NRXN1: variants seen among roughly 807,000 people sequenced by gnomAD.
NRXN1 encodes the protein neurexin-1.
NRXN1 carries 39 observed loss-of-function variants against 150.9 expected under a neutral mutation model. The observed-to-expected ratio is 0.26, with a 90% CI of 0.20 to 0.34. The LOEUF (loss-of-function observed/expected upper bound fraction) is 0.34, where lower values mean the gene tolerates loss of function less well. NRXN1 is among the 10% of genes least tolerant of loss of function. The pLI, the probability that NRXN1 is intolerant of heterozygous loss-of-function variation, is 1.00. For synonymous variants in NRXN1, 924 were observed against 757.0 expected, an observed-to-expected ratio of 1.22 and a Z score of -3.62; for missense variants, 1,815 against 1,949.9, an observed-to-expected ratio of 0.93 and a Z score of 1.30.
At chr2:50,275,547 T>A (rs972062602) in intron 17 of NRXN1, among the ~76,000 whole-genome samples, 1 of 152,090 alleles carries the variant, frequency 6.6e-6, no homozygotes, top group African/African-American at 2.4e-5. Context: ...CTTACTATAG[T>A]CCCAGAACAT....
intron 15 of NRXN1, among the ~76,000 whole-genome samples, chr2:50,473,715 C>T (rs28589462): frequency 0.066 from 10,087 of 152,056 alleles, 1,150 homozygotes; most frequent in African/African-American, 0.23. Context: ...GTTGTCTTCA[C>T]GAGACTTGGG....
intron 21 of NRXN1, among the ~76,000 whole-genome samples, chr2:50,030,702 T>G (rs925006675): frequency 2.0e-5 from 3 of 152,136 alleles, no homozygotes; most frequent in African/African-American, 7.2e-5. Context: ...CAACTTGAAA[T>G]ATGTTGTAAG....
chr2:50,026,566 T>TAC (rs1688311855), intron 21 of NRXN1, among the ~76,000 whole-genome samples: 1 of 152,154 alleles, frequency 6.6e-6, no homozygotes, highest in African/African-American at 2.4e-5. Flanking sequence ...TGAGTTCAGT[T>TAC]ACATCTTAAA....
intron 5 of NRXN1, among the ~76,000 whole-genome samples, chr2:50,763,003 C>A (rs1157994627): frequency 1.3e-5 from 2 of 151,906 alleles, no homozygotes; most frequent in Non-Finnish European, 2.9e-5. Flanking sequence ...AAATAGGCTA[C>A]TTACCTTTTG....
intron 17 of NRXN1, among the ~76,000 whole-genome samples, chr2:50,376,867 G>C: frequency 6.6e-6 from 1 of 152,014 alleles, no homozygotes; most frequent in Non-Finnish European, 1.5e-5. Flanking sequence ...CTTAGAAAGA[G>C]GAACCGGTTC....
chr2:50,594,948 C>G (rs935518559), intron 8 of NRXN1, among the ~76,000 whole-genome samples: 3 of 151,688 alleles, frequency 2.0e-5, no homozygotes, highest in African/African-American at 7.3e-5. Context: ...CCACGGTACC[C>G]TCTGAGCACT....
At chr2:50,839,848 G>A (rs993328794) in intron 5 of NRXN1, among the ~76,000 whole-genome samples, 4 of 152,066 alleles carry the variant, frequency 2.6e-5, no homozygotes, top group Admixed American at 1.3e-4. Flanking sequence ...AAAATAAGGC[G>A]GGGAGCAAAA....
chr2:50,685,147 T>A (rs1691028206), intron 5 of NRXN1, among the ~76,000 whole-genome samples: 1 of 152,220 alleles, frequency 6.6e-6, no homozygotes, highest in African/African-American at 2.4e-5. Flanking sequence ...ATTATTATTT[T>A]TATTATTATT....
At chr2:50,660,944 T>C (rs1687209753) in intron 5 of NRXN1, among the ~76,000 whole-genome samples, 1 of 152,034 alleles carries the variant, frequency 6.6e-6, no homozygotes, top group South Asian at 2.1e-4. Flanking sequence ...TAGGTGCATG[T>C]CTGCATATAC....
chr2:50,278,958 T>G (rs1574898970), intron 17 of NRXN1, among the ~76,000 whole-genome samples: 1 of 152,326 alleles, frequency 6.6e-6, no homozygotes, highest in East Asian at 1.9e-4. Flanking sequence ...AAAAATGACA[T>G]GCTTATCCAA....
rs1668270211 is a variant in NRXN1 at position 49,921,910 on chromosome 2, A to G, written c.*34T>C. On this transcript the variant is annotated 3_prime_UTR_variant, in exon 23 of 23. Transcript: ENST00000401669. The stretch of plus-strand genomic sequence containing the variant: ...TTATGTCTCAGATAAAATGAAGACT[A>G]TTTCTATACAAGTGTCCATTTAAGA... 1 of 1,593,838 alleles carries G rather than the reference A, an allele frequency of 6.3e-7. No individual in the cohort carries two copies. The highest frequency in any genetic ancestry group is 1.3e-5 in the African/African-American group (1 of 74,422).
At chr2:50,889,268 G>T (rs1350380443) in intron 5 of NRXN1, among the ~76,000 whole-genome samples, 4 of 151,692 alleles carry the variant, frequency 2.6e-5, no homozygotes, top group African/African-American at 9.7e-5. Flanking sequence ...CATCAGACGG[G>T]AAGTGTTCTC....
At chr2:50,636,487 A>G (rs1683261898) in intron 5 of NRXN1, among the ~76,000 whole-genome samples, 1 of 152,144 alleles carries the variant, frequency 6.6e-6, no homozygotes, top group African/African-American at 2.4e-5. Context: ...CCACTGTTTC[A>G]CTGATTCATT....
intron 18 of NRXN1, among the ~76,000 whole-genome samples, chr2:50,222,488 A>T (rs957296722): frequency 1.3e-5 from 2 of 151,978 alleles, no homozygotes; most frequent in Admixed American, 1.3e-4. Context: ...TTCTTAGAGG[A>T]CAACTCAGCA....
intron 5 of NRXN1, among the ~76,000 whole-genome samples, chr2:50,848,069 C>T (rs1421441000): frequency 6.6e-6 from 1 of 152,256 alleles, no homozygotes; most frequent in East Asian, 1.9e-4. Context: ...CGCCTATAGA[C>T]GGCAAACTAA....
At chr2:50,319,680 A>AAGACAGTGGC (rs11277736) in intron 17 of NRXN1, among the ~76,000 whole-genome samples, 5 of 152,004 alleles carry the variant, frequency 3.3e-5, no homozygotes, top group East Asian at 1.9e-4. Context: ...CTTTGGAAAG[A>AAGACAGTGGC]AGACAGTGGC....
chr2:50,002,393 T>C (rs1684096898), intron 21 of NRXN1, among the ~76,000 whole-genome samples: 1 of 152,148 alleles, frequency 6.6e-6, no homozygotes, highest in South Asian at 2.1e-4. Context: ...CATTGTAAAG[T>C]ACATTTAGGA....
intron 18 of NRXN1, among the ~76,000 whole-genome samples, chr2:50,171,774 A>T (rs1208558818): frequency 1.3e-5 from 2 of 152,222 alleles, no homozygotes; most frequent in African/African-American, 2.4e-5. Flanking sequence ...AAAGCCAGTT[A>T]GATTAGCAGG....
At chr2:50,136,049 C>A (rs1221428126) in intron 18 of NRXN1, among the ~76,000 whole-genome samples, 2 of 152,144 alleles carry the variant, frequency 1.3e-5, no homozygotes, top group Non-Finnish European at 2.9e-5. Flanking sequence ...TACAATAGAT[C>A]TTTATTCTGT....
Sources: allele counts gnomAD v4.1 joint callset (sites outside exome capture counted in the v4.1 genomes callset), GRCh38; gene constraint gnomAD v4.1.1; transcripts MANE v1.5; gene names NCBI Gene and HGNC (gene_info 2026-07-23, HGNC 2026-07-21).